The following ITGA11 variants were observed in gnomAD, a reference collection of about 807,000 sequenced individuals.
The protein encoded by ITGA11 is integrin alpha-11.
In ITGA11, 97 loss-of-function variants were observed where a neutral mutation model predicts 141.9. That is an observed-to-expected ratio of 0.68 (90% CI 0.58 to 0.81). The LOEUF (loss-of-function observed/expected upper bound fraction) is 0.81. Ranked by LOEUF, ITGA11 falls within the 30% of genes least tolerant of loss-of-function variation. The pLI, the probability that ITGA11 is intolerant of heterozygous loss-of-function variation, is 0.00. For synonymous variants in ITGA11, 658 were observed against 624.6 expected (o/e 1.05, Z -0.80); for missense variants, 1,387 against 1,559.2 (o/e 0.89, Z 1.86).
Position 68,364,517 on chromosome 15 carries a change from C to T in ITGA11, c.357+190G>A, listed in dbSNP as rs2306014. ...CCAAAACACCCAGGGCCCTGCCACCCGGAATGGCATAAGCAGGGAGCTGGC... is the reference window on the plus strand; with the variant it reads ...CCAAAACACCCAGGGCCCTGCCACCTGGAATGGCATAAGCAGGGAGCTGGC... On this transcript the variant is annotated intron_variant, in intron 4 of 29. Coordinates refer to ENST00000315757, the MANE Select transcript of ITGA11 (RefSeq NM_001004439.2). Among the ~76,000 whole-genome samples, 2,937 of 152,312 alleles carry T rather than the reference C, an allele frequency of 0.019. 49 individuals carry two copies. The highest frequency in any genetic ancestry group is 0.035 in the South Asian group (168 of 4,830).
chr15:68,403,283 C>T (rs1345221129), intron 1 of ITGA11, among the ~76,000 whole-genome samples: 1 of 152,192 alleles, frequency 6.6e-6, no homozygotes, highest in Non-Finnish European at 1.5e-5. Context: ...ATGTGTATCC[C>T]TTCCAAATCT....
Position 68,350,607 on chromosome 15 carries a change from C to T in ITGA11, c.1060+10G>A, listed in dbSNP as rs1421682130. 2 of 1,610,850 alleles carry T rather than the reference C, an allele frequency of 1.2e-6. No homozygotes were observed. Among genetic ancestry groups the T allele is most frequent in the South Asian group, 1.1e-5 (1 of 90,570 alleles). ...AGAGAGTGGATCCCCTCTTAGCATGCATTGCTTACCTTCCAGGCTGAAGAT... is the reference window on the plus strand; with the variant it reads ...AGAGAGTGGATCCCCTCTTAGCATGTATTGCTTACCTTCCAGGCTGAAGAT... On this transcript the variant is annotated intron_variant, in intron 9 of 29. Transcript: ENST00000315757.
intron 2 of ITGA11, among the ~76,000 whole-genome samples, chr15:68,384,730 A>G (rs1423933119): frequency 6.6e-6 from 1 of 152,206 alleles, no homozygotes; most frequent in East Asian, 1.9e-4. Flanking sequence ...ATGAGTCATG[A>G]TGCCGGATTT....
chr15:68,344,809 C>T (rs1252000880), intron 10 of ITGA11, among the ~76,000 whole-genome samples: 3 of 152,180 alleles, frequency 2.0e-5, no homozygotes, highest in Non-Finnish European at 4.4e-5. Flanking sequence ...AGGATCTCTT[C>T]CCACCTTGGG....
chr15:68,378,243 T>C lies in ITGA11; in HGVS notation c.165-8959A>G, dbSNP rs11855593. On this transcript the variant is annotated intron_variant, in intron 2 of 29. Transcript: ENST00000315757. ...TATAGATAGATAATATAGTTCTGCC[T>C]CATTCTTTATAGTGGCTGCACAGTG... Among the ~76,000 whole-genome samples the C allele has an allele frequency of 8.3e-3, 1,245 of 149,146 alleles. 18 individuals carry two copies. Among genetic ancestry groups the C allele is most frequent in the African/African-American group, 0.029 (1,186 of 40,544 alleles).
At chr15:68,382,044 T>C (rs527820683) in intron 2 of ITGA11, among the ~76,000 whole-genome samples, 2 of 152,268 alleles carry the variant, frequency 1.3e-5, no homozygotes, top group Non-Finnish European at 2.9e-5. Context: ...ATTGTTTACA[T>C]GGACTGCTTC....
intron 1 of ITGA11, among the ~76,000 whole-genome samples, chr15:68,427,945 T>G (rs1043841235): frequency 6.6e-6 from 1 of 152,128 alleles, no homozygotes; most frequent in South Asian, 2.1e-4. Context: ...ACTTCAGTGA[T>G]GAGGATCAGC....
intron 2 of ITGA11, among the ~76,000 whole-genome samples, chr15:68,398,072 A>G (rs1238656227): frequency 6.6e-6 from 1 of 151,834 alleles, no homozygotes; most frequent in Non-Finnish European, 1.5e-5. Context: ...AAGACCATCA[A>G]GACTAGGAAG....
intron 28 of ITGA11, among the ~76,000 whole-genome samples, chr15:68,306,267 GAA>G (rs1409256299): frequency 6.6e-6 from 1 of 151,646 alleles, no homozygotes; most frequent in Non-Finnish European, 1.5e-5. Flanking sequence ...GTGGAAGAAG[GAA>G]AAGTCACCTA....
intron 1 of ITGA11, among the ~76,000 whole-genome samples, chr15:68,403,461 C>A (rs533731442): frequency 6.6e-6 from 1 of 152,074 alleles, no homozygotes; most frequent in African/African-American, 2.4e-5. Context: ...GGCCTCCCCC[C>A]TCTCTTTCTT....
At chr15:68,426,364 C>T (rs56079775) in intron 1 of ITGA11, among the ~76,000 whole-genome samples, 2 of 152,206 alleles carry the variant, frequency 1.3e-5, no homozygotes, top group African/African-American at 4.8e-5. Flanking sequence ...AACCTTGACC[C>T]TGAGAATGGG....
chr15:68,373,875 T>G (rs1895659776), intron 2 of ITGA11, among the ~76,000 whole-genome samples: 1 of 152,148 alleles, frequency 6.6e-6, no homozygotes, highest in Non-Finnish European at 1.5e-5. Context: ...GGAGCTGAAG[T>G]CCTGCTGATG....
chr15:68,387,921 C>T (rs966237825), intron 2 of ITGA11, among the ~76,000 whole-genome samples: 2 of 152,098 alleles, frequency 1.3e-5, no homozygotes, highest in Non-Finnish European at 2.9e-5. Flanking sequence ...TGCAGTCTGT[C>T]GTTCATCCCA....
intron 5 of ITGA11, among the ~76,000 whole-genome samples, chr15:68,359,012 G>T (rs1370961484): frequency 6.6e-6 from 1 of 152,188 alleles, no homozygotes; most frequent in Non-Finnish European, 1.5e-5. Flanking sequence ...GGCTAGAAAT[G>T]TGGGATGTGG....
intron 5 of ITGA11, among the ~76,000 whole-genome samples, chr15:68,360,330 C>T (rs1895199933): frequency 6.6e-6 from 1 of 152,130 alleles, no homozygotes; most frequent in African/African-American, 2.4e-5. Context: ...TTTAAGCCAG[C>T]TTTATTATTA....
intron 1 of ITGA11, among the ~76,000 whole-genome samples, chr15:68,413,127 TA>T (rs1473533434): frequency 2.0e-5 from 3 of 152,186 alleles, no homozygotes; most frequent in Non-Finnish European, 4.4e-5. Flanking sequence ...GGGTTAGGAC[TA>T]GGGGGTAGGG....
In ITGA11 at chr15:68,315,641, C is replaced by T. The variant is rs375668513; in HGVS notation, c.2792+10G>A. On this transcript the variant is annotated intron_variant, in intron 22 of 29. Transcript: ENST00000315757. ...AAGCTTTGGGGAGAAGGAGCAGGCA[C>T]GGCCCTGACCTGCCTGCAGCGAGCT... The T allele has an allele frequency of 1.7e-4, 268 of 1,608,616 alleles. 2 individuals are homozygous for T. The South Asian group carries it at 1.7e-3, about 10-fold the overall frequency.
intron 2 of ITGA11, among the ~76,000 whole-genome samples, chr15:68,386,168 TATGCCA>T (rs1157360553): frequency 2.0e-5 from 3 of 152,278 alleles, no homozygotes; most frequent in African/African-American, 7.2e-5. Context: ...CTGATCAACC[TATGCCA>T]GGTAGGTCCA....
Position 68,320,200 on chromosome 15 carries a change from G to A in ITGA11, c.2601C>T (p.Ala867=). 6.2e-7 allele frequency: 1 copy of A among 1,613,950 alleles called. No individual in the cohort carries two copies. Among genetic ancestry groups the A allele is most frequent in the South Asian group, 1.1e-5 (1 of 91,060 alleles). The change falls in exon 20 of 30, where the codon GCC becomes GCT. Residue 867 remains alanine (A), a synonymous_variant. Transcript: ENST00000315757. ...NISQSANLQF[A]SLIQKEDSDG... The stretch of plus-strand genomic sequence containing the variant: ...GAGGTCTTACCTTCTGGATCAAGCT[G>A]GCAAACTGCAGGTTTGCTGACTGCG...
Sources: gnomAD v4.1 joint callset for allele counts (sites outside exome capture counted in the v4.1 genomes callset) on GRCh38, gnomAD v4.1.1 for gene constraint, MANE v1.5 for transcripts, NCBI Gene and HGNC (gene_info 2026-07-23, HGNC 2026-07-21) for gene names.